Variants in RANBP3L observed in about 807,000 individuals in gnomAD.
RANBP3L encodes the protein RAN binding protein 3 like, also known as ran-binding protein 3-like.
RANBP3L carries 56 observed loss-of-function variants against 67.2 expected under a neutral mutation model. The observed-to-expected ratio is 0.83, with a 90% CI of 0.67 to 1.04. The LOEUF is 1.04. Ranked by LOEUF, RANBP3L falls within the 50% of genes least tolerant of loss-of-function variation. RANBP3L has a pLI of 0.00. For synonymous variants in RANBP3L, 164 were observed against 181.4 expected (o/e 0.90, Z 0.77); for missense variants, 496 against 535.5 (o/e 0.93, Z 0.73).
At chr5:36,269,723 T>C (rs761603848) in intron 3 of RANBP3L, among the ~76,000 whole-genome samples, 1 of 152,198 alleles carries the variant, frequency 6.6e-6, no homozygotes, top group Non-Finnish European at 1.5e-5. Flanking sequence ...AGAATGCTTT[T>C]GATAGGCTAA....
Position 36,251,517 on chromosome 5 carries a change from A to C in RANBP3L, c.1168-18T>G, listed in dbSNP as rs1305808690. 6.4e-7 allele frequency: 1 copy of C among 1,551,958 alleles called. No homozygotes were observed. Among genetic ancestry groups the C allele is most frequent in the African/African-American group, 1.4e-5 (1 of 72,766 alleles). On this transcript the variant is annotated intron_variant, in intron 12 of 13. Coordinates refer to ENST00000296604, the MANE Select transcript of RANBP3L (RefSeq NM_145000.5). ...GCACTGGCCTGCATGAGGAACATTA[A>C]ATTGTTAAGAAAATCATTAATATGT...
chr5:36,290,485 G>T (rs1751652844), intron 1 of RANBP3L, among the ~76,000 whole-genome samples: 1 of 152,002 alleles, frequency 6.6e-6, no homozygotes, highest in Non-Finnish European at 1.5e-5. Context: ...CCAAAATGCT[G>T]AGATTACAGG....
chr5:36,300,643 T>G (rs1028997784), intron 1 of RANBP3L, among the ~76,000 whole-genome samples: 1 of 152,146 alleles, frequency 6.6e-6, no homozygotes, highest in African/African-American at 2.4e-5. Flanking sequence ...TTCCCACAAG[T>G]GTCATTTGCT....
In RANBP3L at chr5:36,247,232, C is replaced by T. The variant is rs1561085899; in HGVS notation, c.*2422G>A. On this transcript the variant is annotated 3_prime_UTR_variant, in exon 14 of 14. Coordinates refer to ENST00000296604, the MANE Select transcript of RANBP3L (RefSeq NM_145000.5). ...AAACTATAAAATGTTTCTACTATTC[C>T]TCCAAAATTGTACTAAATATTTGTG... is the stretch of plus-strand genomic sequence containing the variant. Among the ~76,000 whole-genome samples, 1 of 152,120 alleles carries T rather than the reference C, an allele frequency of 6.6e-6. No homozygotes were observed. The highest frequency in any genetic ancestry group is 2.4e-5 in the African/African-American group (1 of 41,426).
intron 6 of RANBP3L, among the ~76,000 whole-genome samples, chr5:36,263,541 A>G (rs550448839): frequency 1.3e-4 from 20 of 152,302 alleles, no homozygotes; most frequent in African/African-American, 4.6e-4. Context: ...ATAATTTAAA[A>G]CAAGTTAAAC....
chr5:36,269,832 A>G, intron 3 of RANBP3L, 119 bp downstream of exon 3: 1 of 873,918 alleles, frequency 1.1e-6, no homozygotes, highest in Non-Finnish European at 1.9e-6. Context: ...CTACTGGCAT[A>G]TTTAAAAAAA....
chr5:36,281,273 C>T (rs533572073), intron 1 of RANBP3L, among the ~76,000 whole-genome samples: 3 of 152,286 alleles, frequency 2.0e-5, no homozygotes, highest in Non-Finnish European at 2.9e-5. Context: ...GTATGTAAAA[C>T]ACTCAGCACA....
chr5:36,284,500 G>T (rs10512637), intron 1 of RANBP3L, among the ~76,000 whole-genome samples: 145,154 of 152,328 alleles, frequency 0.95, 69,457 homozygotes, highest in Non-Finnish European at 0.99. Context: ...GAGCCACCAC[G>T]TGAAATAAAG....
At chr5:36,260,350 G>A (rs1439240547) in intron 8 of RANBP3L, among the ~76,000 whole-genome samples, 3 of 115,032 alleles carry the variant, frequency 2.6e-5, no homozygotes, top group Admixed American at 1.1e-4. Context: ...GACAGAGCGA[G>A]ACTCTGTCTC....
rs529407282 is a variant in RANBP3L at position 36,260,586 on chromosome 5, G to A, written c.669+194C>T. On this transcript the variant is annotated intron_variant, in intron 8 of 13. Coordinates refer to ENST00000296604, the MANE Select transcript of RANBP3L (RefSeq NM_145000.5). Reference sequence around the variant, plus strand: ...TATAATTATACAGTTCCCTTCCTCTGTGGGTTTCTATTATTTTAACAACTA... The same window carrying A: ...TATAATTATACAGTTCCCTTCCTCTATGGGTTTCTATTATTTTAACAACTA... Among the ~76,000 whole-genome samples the A allele has an allele frequency of 6.6e-5, 10 of 152,220 alleles. 1 individual carries two copies. In the South Asian group the frequency reaches 2.1e-3, roughly 32 times the overall value.
At chr5:36,298,200 G>A (rs769735538) in intron 1 of RANBP3L, among the ~76,000 whole-genome samples, 4 of 151,450 alleles carry the variant, frequency 2.6e-5, no homozygotes, top group Non-Finnish European at 4.4e-5. Context: ...CTCAGGAGAC[G>A]GAGGCAGAAG....
At chr5:36,277,436 A>G (rs1332433974) in intron 1 of RANBP3L, among the ~76,000 whole-genome samples, 12 of 93,486 alleles carry the variant, frequency 1.3e-4, no homozygotes, top group African/African-American at 4.9e-4. Flanking sequence ...ATATATATAT[A>G]TATATGTGTG....
At chr5:36,279,679 G>T (rs1300927271) in intron 1 of RANBP3L, among the ~76,000 whole-genome samples, 1 of 152,124 alleles carries the variant, frequency 6.6e-6, no homozygotes, top group Non-Finnish European at 1.5e-5. Flanking sequence ...CTTTATACCA[G>T]ATGTATATGA....
intron 7 of RANBP3L, 142 bp from the exon 8 acceptor site, chr5:36,261,006 A>C (rs1344040202): frequency 1.7e-6 from 1 of 575,392 alleles, no homozygotes; most frequent in Non-Finnish European, 3.1e-6. Flanking sequence ...ATGAAAAATG[A>C]AGGAAAAATT....
chr5:36,277,509 A>G (rs192198932), intron 1 of RANBP3L, among the ~76,000 whole-genome samples: 2 of 150,250 alleles, frequency 1.3e-5, no homozygotes, highest in Admixed American at 1.3e-4. Flanking sequence ...TAAGCAGTAT[A>G]TGCATGCCAG....
intron 11 of RANBP3L, among the ~76,000 whole-genome samples, chr5:36,254,567 C>T (rs1452879920): frequency 1.3e-5 from 2 of 151,778 alleles, no homozygotes; most frequent in Admixed American, 1.3e-4. Flanking sequence ...CTTGGACCTG[C>T]CTTGGGACTA....
intron 12 of RANBP3L, among the ~76,000 whole-genome samples, chr5:36,253,338 T>G (rs1748729191): frequency 6.6e-6 from 1 of 152,108 alleles, no homozygotes; most frequent in Admixed American, 6.6e-5. Context: ...TGGGAACCAT[T>G]CCTGACAATA....
chr5:36,288,987 G>A (rs1242354725), intron 1 of RANBP3L, among the ~76,000 whole-genome samples: 1 of 151,424 alleles, frequency 6.6e-6, no homozygotes, highest in East Asian at 1.9e-4. Context: ...TTTTTTGTCA[G>A]TCTAAAAAGC....
chr5:36,264,833 T>G (rs1211503533), intron 6 of RANBP3L, 126 bp downstream of exon 6: 1 of 777,496 alleles, frequency 1.3e-6, no homozygotes, highest in Non-Finnish European at 2.1e-6. Context: ...AAGGGCTTTA[T>G]GCTATCTAGC....
Sources: allele counts gnomAD v4.1 joint callset (sites outside exome capture counted in the v4.1 genomes callset), GRCh38; gene constraint gnomAD v4.1.1; transcripts MANE v1.5; gene names NCBI Gene and HGNC (gene_info 2026-07-23, HGNC 2026-07-21).